The following ADRA2B variants were observed in gnomAD, a reference collection of about 807,000 sequenced individuals.
ADRA2B encodes adrenoceptor alpha 2B.
A neutral mutation model predicts 14.4 loss-of-function variants in ADRA2B; 14 were observed. The ratio of observed to expected loss-of-function variants is 0.97; its 90% CI spans 0.64 to 1.52. The LOEUF is 1.52. Ranked by LOEUF, ADRA2B falls within the 40% of genes most tolerant of loss-of-function variation. The probability of loss-of-function intolerance (pLI) is 0.00; values close to 1 mark genes in which losing one functional copy is unlikely to be tolerated. For missense variants in ADRA2B, 606 were observed against 603.2 expected (o/e 1.00, Z -0.05); for synonymous variants, 250 against 263.7 (o/e 0.95, Z 0.50).
In ADRA2B at chr2:96,115,333, TGGGTGGCAAGGCCC is replaced by T; in HGVS notation, c.803_816del (p.Arg268GlnfsTer24). 1 of 1,601,476 alleles carries T rather than the reference TGGGTGGCAAGGCCC, an allele frequency of 6.2e-7. No individual in the cohort carries two copies. The highest frequency in any genetic ancestry group is 8.5e-7 in the Non-Finnish European group (1 of 1,172,750). ...CCTGAGTTGGGAAGGGCAGCCCAACTGGGTGGCAAGGCCCGGGTCCCAGTATCTTCAGGGGTCTC... is the reference window on the plus strand; with the variant it reads ...CCTGAGTTGGGAAGGGCAGCCCAACTGGGTCCCAGTATCTTCAGGGGTCTC... On this transcript the variant is annotated frameshift_variant, in exon 1 of 1. Transcript: ENST00000620793. LOFTEE classifies it high-confidence loss of function.
chr2:96,115,339 G>T lies in ADRA2B; in HGVS notation c.811C>A (p.Pro271Thr), dbSNP rs931061984. Reference protein sequence around the residue: ...TPEDTGTRALPPSWAALPNSG... With the variant: ...TPEDTGTRALTPSWAALPNSG... ...TTGGGAAGGGCAGCCCAACTGGGTGGCAAGGCCCGGGTCCCAGTATCTTCA... is the reference window on the plus strand; with the variant it reads ...TTGGGAAGGGCAGCCCAACTGGGTGTCAAGGCCCGGGTCCCAGTATCTTCA... Residue 271 changes from proline (P) to threonine (T), a missense_variant, in exon 1 of 1, where the codon CCA becomes ACA. Transcript: ENST00000620793. The T allele has an allele frequency of 1.5e-5, 24 of 1,601,626 alleles. No individual in the cohort carries two copies. The highest frequency in any genetic ancestry group is 2.0e-5 in the Non-Finnish European group (23 of 1,172,734).
chr2:96,115,482 G>A lies in ADRA2B; in HGVS notation c.668C>T (p.Pro223Leu), dbSNP rs747828766. 6.2e-7 allele frequency: 1 copy of A among 1,613,558 alleles called. No individual in the cohort carries two copies. Among genetic ancestry groups the A allele is most frequent in the Non-Finnish European group, 8.5e-7 (1 of 1,179,868 alleles). Residue 223 changes from proline to leucine, a missense_variant, in exon 1 of 1, where the codon CCC becomes CTC. Transcript: ENST00000620793. ...TGAGGCCAAAGCCCCACCATGGTCG[G>A]GTCGGGGCTGCTTGGACTCACCCTG... ...PGQGESKQPR[P>L]DHGGALASAK...
In ADRA2B at chr2:96,115,904, G is replaced by A. The variant is rs1487963307; in HGVS notation, c.246C>T (p.Arg82=). The A allele has an allele frequency of 6.2e-7, 1 of 1,613,602 alleles. No homozygotes were observed. The highest frequency in any genetic ancestry group is 8.5e-7 in the Non-Finnish European group (1 of 1,179,800). The part of the protein sequence containing the change: ...NELLGYWYFR[R]TWCEVYLALD... The stretch of plus-strand genomic sequence containing the variant: ...GCGCCAGGTACACCTCGCACCACGT[G>A]CGCCGGAAGTACCAGTAGCCCAGCA... The change falls in exon 1 of 1, where the codon CGC becomes CGT. Residue 82 remains arginine, a synonymous_variant. Coordinates refer to ENST00000620793, the MANE Select transcript of ADRA2B (RefSeq NM_000682.7).
chr2:96,115,455 G>T lies in ADRA2B; in HGVS notation c.695C>A (p.Ala232Asp), dbSNP rs1049900125. The change falls in exon 1 of 1, where the codon GCC becomes GAC. Residue 232 changes from alanine to aspartate, a missense_variant. Transcript: ENST00000620793. The part of the protein sequence containing the change: ...RPDHGGALAS[A>D]KLPALASVAS... ...CACAGAGGCCAGGGCTGGCAGTTTG[G>T]CTGAGGCCAAAGCCCCACCATGGTC... The T allele has an allele frequency of 2.5e-6, 4 of 1,613,034 alleles. No homozygotes were observed. The highest frequency in any genetic ancestry group is 3.4e-6 in the Non-Finnish European group (4 of 1,179,556).
At position 96,116,193 on chromosome 2, in the gene ADRA2B, C is replaced by A. The variant is rs1210707427; in HGVS notation, c.-44G>T. Reference sequence around the variant, plus strand: ...CAGAGGGAGCGCTGCCCGCCCAGTGCGCACCGTGGACGACAGCGCTGCCCG... The same window carrying A: ...CAGAGGGAGCGCTGCCCGCCCAGTGAGCACCGTGGACGACAGCGCTGCCCG... On this transcript the variant is annotated 5_prime_UTR_variant, in exon 1 of 1. Coordinates refer to ENST00000620793, the MANE Select transcript of ADRA2B (RefSeq NM_000682.7). 5.9e-6 allele frequency: 9 copies of A among 1,535,038 alleles called. No homozygotes were observed. The South Asian group carries it at 7.0e-5, about 12-fold the overall frequency.
rs1312810943 is a variant in ADRA2B at position 96,113,952 on chromosome 2, G to A, written c.*845C>T. ...AATCACATTTTTGGTTCTCTAGTGT[G>A]TTCCCCCACAGAGCTCAAAGCTTTC... On this transcript the variant is annotated 3_prime_UTR_variant, in exon 1 of 1. Transcript: ENST00000620793. 10 of 985,744 alleles carry A rather than the reference G, an allele frequency of 1.0e-5. No homozygotes were observed. The highest frequency in any genetic ancestry group is 1.1e-5 in the Non-Finnish European group (9 of 829,940). The allele number at this position is 985,744 out of a possible 1,614,324, so 61.1% of individuals were successfully genotyped here.
At position 96,114,944 on chromosome 2, in the gene ADRA2B, C is replaced by T. The variant is rs1241102358; in HGVS notation, c.1206G>A (p.Lys402=). The change falls in exon 1 of 1, where the codon AAG becomes AAA. Residue 402 remains lysine (K), a synonymous_variant. Transcript: ENST00000620793. ...SLGAICPKHC[K]VPHGLFQFFF... ...AGAACTGGAAGAGGCCATGGGGCAC[C>T]TTGCAGTGCTTCGGGCAGATGGCTC... is the stretch of plus-strand genomic sequence containing the variant. 4 of 1,613,590 alleles carry T rather than the reference C, an allele frequency of 2.5e-6. No homozygotes were observed. Among genetic ancestry groups the T allele is most frequent in the Middle Eastern group, 1.6e-4 (1 of 6,084 alleles).
chr2:96,115,876 C>G lies in ADRA2B; in HGVS notation c.274G>C (p.Asp92His), dbSNP rs1397681630. 8 of 1,613,316 alleles carry G rather than the reference C, an allele frequency of 5.0e-6. No individual in the cohort carries two copies. Residue 92 changes from aspartate to histidine, a missense_variant, in exon 1 of 1, where the codon GAC becomes CAC. By Grantham distance (81) the Asp-to-His change is moderately conservative. Coordinates refer to ENST00000620793, the MANE Select transcript of ADRA2B (RefSeq NM_000682.7). ...ATGGACGAGGTGCAGAAGAGCACGT[C>G]GAGCGCCAGGTACACCTCGCACCAC... ...RTWCEVYLAL[D>H]VLFCTSSIVH...
At position 96,116,564 on chromosome 2, in the gene ADRA2B, A is replaced by G. The variant is rs933844846; in HGVS notation, c.-415T>C. Among the ~76,000 whole-genome samples, 1 of 151,810 alleles carries G rather than the reference A, an allele frequency of 6.6e-6. No individual in the cohort carries two copies. The highest frequency in any genetic ancestry group is 2.4e-5 in the African/African-American group (1 of 41,360). Reference sequence around the variant, plus strand: ...AGGCTTTCGCCCCAGCCGCGCCTGCAGGGGAGTGGGGAGCGGGGAGAGCGG... The same window carrying G: ...AGGCTTTCGCCCCAGCCGCGCCTGCGGGGGAGTGGGGAGCGGGGAGAGCGG... On this transcript the variant is annotated 5_prime_UTR_variant, in exon 1 of 1. Coordinates refer to ENST00000620793, the MANE Select transcript of ADRA2B (RefSeq NM_000682.7).
chr2:96,115,386 TC>T lies in ADRA2B; in HGVS notation c.763del (p.Glu255ArgfsTer98). Reference protein sequence around the residue: ...EVNGHSKSTGEKEEGETPEDT... With the variant: ...EVNGHSKSTGXKEEGETPEDT... ...TTCAGGGGTCTCCCCCTCCTCCTTC[TC>T]CCCAGTGGACTTCGAGTGTCCGTTG... On this transcript the variant is annotated frameshift_variant, in exon 1 of 1. Transcript: ENST00000620793. LOFTEE classifies it low-confidence loss of function (END_TRUNC). 1 of 1,606,160 alleles carries T rather than the reference TC, an allele frequency of 6.2e-7. No individual in the cohort carries two copies. Among genetic ancestry groups the T allele is most frequent in the Non-Finnish European group, 8.5e-7 (1 of 1,174,810 alleles).
Position 96,115,402 on chromosome 2 carries a change from A to T in ADRA2B, c.748T>A (p.Ser250Thr). Residue 250 changes from serine to threonine, a missense_variant, in exon 1 of 1, where the codon TCG becomes ACG. Physicochemically the swap from Ser to Thr is moderately conservative, Grantham distance 58. Coordinates refer to ENST00000620793, the MANE Select transcript of ADRA2B (RefSeq NM_000682.7). The part of the protein sequence containing the change: ...VASAREVNGH[S>T]KSTGEKEEGE... ...TCCTCCTTCTCCCCAGTGGACTTCG[A>T]GTGTCCGTTGACCTCTCTGGCAGAA... The T allele has an allele frequency of 6.2e-7, 1 of 1,608,858 alleles. No homozygotes were observed. Among genetic ancestry groups the T allele is most frequent in the Non-Finnish European group, 8.5e-7 (1 of 1,176,546 alleles).
rs751061041 is a variant in ADRA2B, at chr2:96,115,073, TCGACGCCAC to T, written c.1068_1076del (p.Trp356_Arg359delinsTer). 202 of 1,613,168 alleles carry T rather than the reference TCGACGCCAC, an allele frequency of 1.3e-4. No individual in the cohort carries two copies. The highest frequency in any genetic ancestry group is 1.6e-4 in the Non-Finnish European group (188 of 1,179,672). On this transcript the variant is annotated stop_gained and inframe_deletion, in exon 1 of 1. Coordinates refer to ENST00000620793, the MANE Select transcript of ADRA2B (RefSeq NM_000682.7). LOFTEE classifies it high-confidence loss of function. ...GCTTCTCCCGGGTCAGCTGCGCCCGTCGACGCCACCACTGCCCACCTATAGCACCCACGC... is the reference window on the plus strand; with the variant it reads ...GCTTCTCCCGGGTCAGCTGCGCCCGTCACTGCCCACCTATAGCACCCACGC...
chr2:96,115,497 G>A lies in ADRA2B; in HGVS notation c.653C>T (p.Ser218Phe). The change falls in exon 1 of 1, where the codon TCC (serine) becomes TTC (phenylalanine). Residue 218 changes from serine to phenylalanine, a missense_variant. Transcript: ENST00000620793. ...ACCATGGTCGGGTCGGGGCTGCTTG[G>A]ACTCACCCTGCCCAGGCCCCCCCTT... ...RAKGGPGQGESKQPRPDHGGA... is the reference protein window; with the variant it reads ...RAKGGPGQGEFKQPRPDHGGA... 2 of 1,613,560 alleles carry A rather than the reference G, an allele frequency of 1.2e-6. No homozygotes were observed. The highest frequency in any genetic ancestry group is 8.5e-7 in the Non-Finnish European group (1 of 1,179,860).
Position 96,116,494 on chromosome 2 carries a change from G to T in ADRA2B, c.-345C>A, listed in dbSNP as rs1031161256. ...CTGGGGGCGCGGGCCGGGCTGGGCC[G>T]GTTCTTAAAGGAGGCGCGGAGGACC... On this transcript the variant is annotated 5_prime_UTR_variant, in exon 1 of 1. Coordinates refer to ENST00000620793, the MANE Select transcript of ADRA2B (RefSeq NM_000682.7). Among the ~76,000 whole-genome samples the T allele has an allele frequency of 8.6e-5, 13 of 152,012 alleles. No homozygotes were observed. Among genetic ancestry groups the T allele is most frequent in the African/African-American group, 3.1e-4 (13 of 41,472 alleles).
rs375034155 is a variant in ADRA2B at position 96,115,727 on chromosome 2, G to A, written c.423C>T (p.Ala141=). 2.2e-5 allele frequency: 36 copies of A among 1,613,228 alleles called. No homozygotes were observed. Among genetic ancestry groups the A allele is most frequent in the African/African-American group, 5.3e-5 (4 of 74,936 alleles). ...AGATGAGGGGCGGCAGCGAGATGAC[G>A]GCGGCGATGAGCCACACAGTGAGGA... ...CIILTVWLIA[A]VISLPPLIYK... is the part of the protein sequence containing the mutation. The change falls in exon 1 of 1, where the codon GCC becomes GCT. Residue 141 remains alanine, a synonymous_variant. Transcript: ENST00000620793.
Position 96,112,987 on chromosome 2 carries a change from G to A in ADRA2B, c.*1810C>T. The A allele has an allele frequency of 2.5e-6, 1 of 396,468 alleles. No homozygotes were observed. Among genetic ancestry groups the A allele is most frequent in the East Asian group, 3.6e-5 (1 of 28,006 alleles). The allele number at this position is 396,468 out of a possible 1,614,324, so 24.6% of individuals were successfully genotyped here. A position where few individuals can be genotyped will look rare whatever the true frequency, so the allele number is the denominator to read the frequency against. On this transcript the variant is annotated 3_prime_UTR_variant, in exon 1 of 1. Coordinates refer to ENST00000620793, the MANE Select transcript of ADRA2B (RefSeq NM_000682.7). ...AGGCAAGAACACTGGGGGTCCCATG[G>A]GGCGCACACAAGACCGGCCAGCAGA...
In ADRA2B at chr2:96,116,015, G is replaced by A. The variant is rs376620259; in HGVS notation, c.135C>T (p.Ala45=). The A allele has an allele frequency of 2.5e-4, 409 of 1,613,582 alleles. 1 individual carries two copies. Among genetic ancestry groups the A allele is most frequent in the Non-Finnish European group, 3.2e-4 (379 of 1,179,842 alleles). Residue 45 remains alanine, a synonymous_variant, in exon 1 of 1, where the codon GCC becomes GCT. Transcript: ENST00000620793. ...GCGACACCAGGAACAGGTTCTGAGG[G>A]GCGCGCAGCGAGCGGCTGGTCAACA... ...LAVLTSRSLR[A]PQNLFLVSLA...
Position 96,114,907 on chromosome 2 carries a change from C to A in ADRA2B, c.1243G>T (p.Gly415Cys). 1.9e-6 allele frequency: 3 copies of A among 1,613,986 alleles called. No individual in the cohort carries two copies. The South Asian group carries it at 3.3e-5, about 18-fold the overall frequency. The change falls in exon 1 of 1, where the codon GGC (glycine) becomes TGC (cysteine). Residue 415 changes from glycine (G) to cysteine (C), a missense_variant. Gly to Cys is a radical substitution (Grantham distance 159). Transcript: ENST00000620793. The part of the protein sequence containing the change: ...HGLFQFFFWI[G>C]YCNSSLNPVI... Reference sequence around the variant, plus strand: ...GGGTTCAGTGAGCTGTTGCAGTAGCCGATCCAGAAGAAGAACTGGAAGAGG... The same window carrying A: ...GGGTTCAGTGAGCTGTTGCAGTAGCAGATCCAGAAGAAGAACTGGAAGAGG...
chr2:96,115,378 CCTCCTT>C lies in ADRA2B; in HGVS notation c.766_771del (p.Lys256_Glu257del). On this transcript the variant is annotated inframe_deletion, in exon 1 of 1. Transcript: ENST00000620793. ...CCAGTATCTTCAGGGGTCTCCCCCT[CCTCCTT>C]CTCCCCAGTGGACTTCGAGTGTCCG... The C allele has an allele frequency of 1.2e-6, 2 of 1,606,532 alleles. No individual in the cohort carries two copies. The highest frequency in any genetic ancestry group is 1.7e-6 in the Non-Finnish European group (2 of 1,175,110).
Sources: allele counts gnomAD v4.1 joint callset (sites outside exome capture counted in the v4.1 genomes callset), GRCh38; gene constraint gnomAD v4.1.1; transcripts MANE v1.5; gene names NCBI Gene and HGNC (gene_info 2026-07-23, HGNC 2026-07-21).